The following PTGER4 variants were observed in gnomAD, a reference collection of about 807,000 sequenced individuals.
The protein encoded by PTGER4 is prostaglandin E receptor 4, also known as prostaglandin E2 receptor EP4 subtype.
Under a neutral mutation model 33.2 loss-of-function variants are expected in PTGER4, and 11 were observed. The ratio of observed to expected loss-of-function variants is 0.33; its 90% CI spans 0.21 to 0.55. The LOEUF (loss-of-function observed/expected upper bound fraction) is 0.55. Ranked by LOEUF, PTGER4 falls within the 20% of genes least tolerant of loss-of-function variation. The pLI is 0.92. For synonymous variants in PTGER4, 275 were observed against 281.5 expected (o/e 0.98, Z 0.23); for missense variants, 481 against 650.2 (o/e 0.74, Z 2.83).
the PTGER4 span, among the ~76,000 whole-genome samples, chr5:40,712,070 T>C: frequency 2.6e-5 from 4 of 152,228 alleles, no homozygotes; most frequent in South Asian, 4.2e-4. Context: ...TATTTCTAAG[T>C]TATACTCATT....
chr5:40,684,131 C>CCCG (rs1554023478), intron 2 of PTGER4, among the ~76,000 whole-genome samples: 1 of 119,826 alleles, frequency 8.3e-6, no homozygotes, highest in African/African-American at 3.2e-5. Context: ...CCCACCCCCC[C>CCCG]CCCCACAATT....
chr5:40,740,518 T>C, the PTGER4 span, among the ~76,000 whole-genome samples: 2 of 152,110 alleles, frequency 1.3e-5, no homozygotes, highest in South Asian at 4.1e-4. Context: ...CACTCCGAAA[T>C]CCATGGCCAC....
chr5:40,732,170 C>T, the PTGER4 span, among the ~76,000 whole-genome samples: 1 of 152,050 alleles, frequency 6.6e-6, no homozygotes, highest in South Asian at 2.1e-4. Context: ...CCACTATGGC[C>T]AGCTAATTTT....
intron 2 of PTGER4, among the ~76,000 whole-genome samples, chr5:40,690,786 C>A (rs1246790426): frequency 6.6e-6 from 1 of 152,096 alleles, no homozygotes; most frequent in Non-Finnish European, 1.5e-5. Flanking sequence ...AAATCAGTAG[C>A]TTTTGGGGGA....
the PTGER4 span, among the ~76,000 whole-genome samples, chr5:40,718,923 A>T: frequency 1.3e-5 from 2 of 152,126 alleles, no homozygotes; most frequent in Non-Finnish European, 2.9e-5. Flanking sequence ...AATAAAAATT[A>T]AAAATTAAGG....
At chr5:40,686,410 T>C (rs192729644) in intron 2 of PTGER4, among the ~76,000 whole-genome samples, 13 of 152,372 alleles carry the variant, frequency 8.5e-5, no homozygotes, top group African/African-American at 3.1e-4. Context: ...AGCTACAGTT[T>C]TCAAATTATT....
At position 40,687,027 on chromosome 5, in the gene PTGER4, GT is replaced by G. The variant is rs965628647; in HGVS notation, c.868-4745del. On this transcript the variant is annotated intron_variant, in intron 2 of 2. Transcript: ENST00000302472. ...GAGATACGTTGTTTGTATTCAGTGA[GT>G]TTTTTTGTTTTTGTTTTTGTTTTTG... Among the ~76,000 whole-genome samples, 62 of 152,060 alleles carry G rather than the reference GT, an allele frequency of 4.1e-4. 1 individual carries two copies. Among genetic ancestry groups the G allele is most frequent in the African/African-American group, 1.4e-3 (57 of 41,428 alleles).
the PTGER4 span, among the ~76,000 whole-genome samples, chr5:40,727,715 C>A: frequency 6.6e-6 from 1 of 152,078 alleles, no homozygotes; most frequent in African/African-American, 2.4e-5. Flanking sequence ...ATGTAATGAT[C>A]CAAAGAACTA....
intron 2 of PTGER4, among the ~76,000 whole-genome samples, chr5:40,687,587 G>T (rs1741358167): frequency 6.6e-6 from 1 of 152,174 alleles, no homozygotes; most frequent in South Asian, 2.1e-4. Flanking sequence ...AGCAGAGGTT[G>T]CTCTATGTTT....
intron 2 of PTGER4, among the ~76,000 whole-genome samples, chr5:40,686,466 A>G (rs932882452): frequency 6.6e-6 from 1 of 152,386 alleles, no homozygotes; most frequent in Middle Eastern, 3.4e-3. Context: ...GTTGAAAGAA[A>G]AAGTAATGAG....
At chr5:40,697,164 A>C (rs9765324), downstream of PTGER4, among the ~76,000 whole-genome samples, 14 of 149,254 alleles carry the variant, frequency 9.4e-5, 1 homozygote, top group African/African-American at 3.5e-4. Context: ...AAGAAAGAAA[A>C]GAAAGAAAGG....
At chr5:40,727,098 C>T in the PTGER4 span, among the ~76,000 whole-genome samples, 4 of 152,042 alleles carry the variant, frequency 2.6e-5, no homozygotes, top group African/African-American at 9.7e-5. Flanking sequence ...GAGAATTTGA[C>T]AAACACCTTT....
At chr5:40,702,034 C>T in the PTGER4 span, among the ~76,000 whole-genome samples, 3 of 152,144 alleles carry the variant, frequency 2.0e-5, no homozygotes, top group Non-Finnish European at 1.5e-5. Flanking sequence ...AAAAGGAACA[C>T]TAAATATAGA....
At position 40,691,024 on chromosome 5, in the gene PTGER4, T is replaced by G. The variant is rs1741455480; in HGVS notation, c.868-755T>G. Among the ~76,000 whole-genome samples the G allele has an allele frequency of 6.6e-6, 1 of 152,214 alleles. No individual in the cohort carries two copies. Among genetic ancestry groups the G allele is most frequent in the Admixed American group, 6.5e-5 (1 of 15,290 alleles). On this transcript the variant is annotated intron_variant, in intron 2 of 2. Coordinates refer to ENST00000302472, the MANE Select transcript of PTGER4 (RefSeq NM_000958.3). This position sits in a 1 kb window ranked among gnomAD's most constrained non-coding sequence, Gnocchi z 4.2. ...TTTTGCAGTGACTGGTTTTTATTTTTTTATTTTTTATTTTTAAACAGATTC... is the reference window on the plus strand; with the variant it reads ...TTTTGCAGTGACTGGTTTTTATTTTGTTATTTTTTATTTTTAAACAGATTC...
In PTGER4 at chr5:40,681,978, C is replaced by T. The variant is rs1035481852; in HGVS notation, c.867+118C>T. On this transcript the variant is annotated intron_variant, in intron 2 of 2. Coordinates refer to ENST00000302472, the MANE Select transcript of PTGER4 (RefSeq NM_000958.3). This position sits in a 1 kb window ranked among gnomAD's most constrained non-coding sequence, Gnocchi z 9.8. ...GGCAGTGAACGTGTCGCCTTTAGGT[C>T]GGGGCTGGGATTCCCACACTGTTTC... The T allele has an allele frequency of 1.4e-5, 18 of 1,289,432 alleles. No individual in the cohort carries two copies. The highest frequency in any genetic ancestry group is 1.8e-5 in the Non-Finnish European group (17 of 971,354). 79.9% of individuals were successfully genotyped at this position (1,289,432 alleles called of 1,614,324 possible).
At position 40,680,237 on chromosome 5, in the gene PTGER4, T is replaced by C. The variant is rs1459707459; in HGVS notation, c.-285T>C. 1 of 152,450 alleles carries C rather than the reference T, an allele frequency of 6.6e-6. No homozygotes were observed. Among genetic ancestry groups the C allele is most frequent in the Admixed American group, 6.5e-5 (1 of 15,294 alleles). 9.4% of individuals were successfully genotyped at this position (152,450 alleles called of 1,614,324 possible). On this transcript the variant is annotated 5_prime_UTR_variant, in exon 1 of 3. Coordinates refer to ENST00000302472, the MANE Select transcript of PTGER4 (RefSeq NM_000958.3). The surrounding 1 kb of genome is among the most constrained non-coding windows in gnomAD (Gnocchi z 5.5). ...AGGAAAAAAAATAGCGAGTAAGAAA[T>C]CCAGCACCATTCTTCACTGACCCAT...
At chr5:40,685,329 T>C in intron 2 of PTGER4, 1 of 889,442 alleles carries the variant, frequency 1.1e-6, no homozygotes, top group Non-Finnish European at 1.3e-6. Flanking sequence ...CAGCATTTGA[T>C]CAGCAAAAGT....
chr5:40,683,488 G>A lies in PTGER4; in HGVS notation c.867+1628G>A, dbSNP rs911323668. Among the ~76,000 whole-genome samples, 1 of 152,192 alleles carries A rather than the reference G, an allele frequency of 6.6e-6. No individual in the cohort carries two copies. Among genetic ancestry groups the A allele is most frequent in the East Asian group, 1.9e-4 (1 of 5,204 alleles). On this transcript the variant is annotated intron_variant, in intron 2 of 2. Transcript: ENST00000302472. This position sits in a 1 kb window ranked among gnomAD's most constrained non-coding sequence, Gnocchi z 4.2. ...AAGAAACAACACTGCTCCTGATGGG[G>A]CCCCTGTTCCTGGGCCTCTGCCTTG...
the PTGER4 span, among the ~76,000 whole-genome samples, chr5:40,717,058 G>A: frequency 6.6e-6 from 1 of 151,870 alleles, no homozygotes; most frequent in African/African-American, 2.4e-5. Context: ...GTGAAACCCT[G>A]TCTCTACTAA....
Sources: allele counts gnomAD v4.1 joint callset (sites outside exome capture counted in the v4.1 genomes callset), GRCh38; gene constraint gnomAD v4.1.1; non-coding constraint Gnocchi (gnomAD v3.1); transcripts MANE v1.5; gene names NCBI Gene and HGNC (gene_info 2026-07-23, HGNC 2026-07-21).